HS6ST3: variants seen among roughly 807,000 people sequenced by gnomAD.
The protein encoded by HS6ST3 is heparan-sulfate 6-O-sulfotransferase 3.
A neutral mutation model predicts 36.7 loss-of-function variants in HS6ST3; 12 were observed. The ratio of observed to expected loss-of-function variants is 0.33; its 90% confidence interval spans 0.21 to 0.53. The LOEUF (loss-of-function observed/expected upper bound fraction) is 0.53, where lower values mean the gene tolerates loss of function less well. Ranked by LOEUF, HS6ST3 falls within the 20% of genes least tolerant of loss-of-function variation. The probability of loss-of-function intolerance (pLI) is 0.95; values close to 1 mark genes in which losing one functional copy is unlikely to be tolerated. For synonymous variants in HS6ST3, 240 were observed against 257.5 expected (o/e 0.93, Z 0.65); for missense variants, 584 against 640.9 (o/e 0.91, Z 0.96).
chr13:96,732,555 T>G (rs996970129), intron 1 of HS6ST3, among the ~76,000 whole-genome samples: 1 of 152,182 alleles, frequency 6.6e-6, no homozygotes, highest in Non-Finnish European at 1.5e-5. Flanking sequence ...CCTATAGCTT[T>G]GCAGTATATT....
chr13:96,329,425 T>A (rs1016023519), intron 1 of HS6ST3, among the ~76,000 whole-genome samples: 5 of 141,540 alleles, frequency 3.5e-5, no homozygotes, highest in Non-Finnish European at 7.6e-5. Context: ...ATTTCTGCCT[T>A]CATTTCGTTA....
At chr13:96,486,849 G>A (rs944186619) in intron 1 of HS6ST3, among the ~76,000 whole-genome samples, 3 of 152,130 alleles carry the variant, frequency 2.0e-5, no homozygotes, top group Admixed American at 1.3e-4. Context: ...AACTGAGAAG[G>A]CAGTAAACTA....
chr13:96,445,938 C>T (rs960933425), intron 1 of HS6ST3, among the ~76,000 whole-genome samples: 5 of 151,588 alleles, frequency 3.3e-5, no homozygotes, highest in Non-Finnish European at 7.4e-5. Flanking sequence ...TTTGGGAGGC[C>T]GAGGCGGGCA....
chr13:96,448,891 A>AT (rs1281178382), intron 1 of HS6ST3, among the ~76,000 whole-genome samples: 1 of 152,056 alleles, frequency 6.6e-6, no homozygotes, highest in African/African-American at 2.4e-5. Flanking sequence ...ATGAGCATAT[A>AT]TTTTTGGATG....
At chr13:96,139,646 T>A (rs890282743) in intron 1 of HS6ST3, among the ~76,000 whole-genome samples, 4 of 151,074 alleles carry the variant, frequency 2.6e-5, no homozygotes, top group African/African-American at 9.7e-5. Flanking sequence ...GAAGTGTACA[T>A]CATGAAGAGA....
At chr13:96,322,494 T>G (rs138918923) in intron 1 of HS6ST3, among the ~76,000 whole-genome samples, 1,740 of 151,744 alleles carry the variant, frequency 0.011, 36 homozygotes, top group African/African-American at 0.04. Flanking sequence ...GAGGCGGAGG[T>G]TGCAGTGAGC....
intron 1 of HS6ST3, among the ~76,000 whole-genome samples, chr13:96,459,731 C>G (rs569282811): frequency 3.3e-5 from 5 of 152,270 alleles, no homozygotes; most frequent in African/African-American, 1.2e-4. Flanking sequence ...AGCTACAGCT[C>G]CATCCCAAGA....
chr13:96,567,565 T>G (rs1202694857), intron 1 of HS6ST3, among the ~76,000 whole-genome samples: 1 of 152,120 alleles, frequency 6.6e-6, no homozygotes, highest in Non-Finnish European at 1.5e-5. Flanking sequence ...GAAAAGTTTT[T>G]ACACACACAC....
At chr13:96,313,955 C>A (rs890475834) in intron 1 of HS6ST3, among the ~76,000 whole-genome samples, 1 of 152,170 alleles carries the variant, frequency 6.6e-6, no homozygotes, top group African/African-American at 2.4e-5. Context: ...AATCCCAGCA[C>A]CTTGGGAAAC....
intron 1 of HS6ST3, among the ~76,000 whole-genome samples, chr13:96,417,671 TTTAAC>T (rs2055540878): frequency 1.4e-5 from 2 of 144,816 alleles, no homozygotes; most frequent in South Asian, 4.8e-4. Context: ...TAAATAAACA[TTTAAC>T]TATATATACA....
intron 1 of HS6ST3, among the ~76,000 whole-genome samples, chr13:96,207,547 T>C (rs2054376947): frequency 6.6e-6 from 1 of 152,056 alleles, no homozygotes; most frequent in African/African-American, 2.4e-5. Context: ...ATTGCAGCAC[T>C]ATTCACAATA....
At chr13:96,128,418 G>T (rs1221653160) in intron 1 of HS6ST3, among the ~76,000 whole-genome samples, 1 of 152,166 alleles carries the variant, frequency 6.6e-6, no homozygotes, top group Non-Finnish European at 1.5e-5. Flanking sequence ...TCCAGCATGG[G>T]TTGGCTTTAA....
chr13:96,811,253 G>A (rs1330415378), intron 1 of HS6ST3, among the ~76,000 whole-genome samples: 1 of 152,148 alleles, frequency 6.6e-6, no homozygotes, highest in South Asian at 2.1e-4. Context: ...TTAGGAGCCC[G>A]TGCCACCTCG....
At chr13:96,107,728 C>T (rs928778550) in intron 1 of HS6ST3, among the ~76,000 whole-genome samples, 2 of 152,064 alleles carry the variant, frequency 1.3e-5, no homozygotes, top group African/African-American at 4.8e-5. Flanking sequence ...TATTAGTTCC[C>T]CAAATTAATA....
rs1369318495 is a variant in HS6ST3 at position 96,745,756 on chromosome 13, G to T, written c.708-86734G>T. Among the ~76,000 whole-genome samples the T allele has an allele frequency of 2.0e-5, 3 of 152,044 alleles. No individual in the cohort carries two copies. In the East Asian group the frequency reaches 5.8e-4, roughly 29 times the overall value. On this transcript the variant is annotated intron_variant, in intron 1 of 1. Transcript: ENST00000376705. ...GCTTGACTCACACTGGAGGTGGTTT[G>T]ATATGCACTCCTAGAGCTTTCTGCT...
chr13:96,108,948 C>T (rs989506165), intron 1 of HS6ST3, among the ~76,000 whole-genome samples: 5 of 121,572 alleles, frequency 4.1e-5, no homozygotes, highest in Non-Finnish European at 8.8e-5. Flanking sequence ...CTGTGACAAC[C>T]ACTCCTATCT....
intron 1 of HS6ST3, among the ~76,000 whole-genome samples, chr13:96,822,974 A>T (rs867152346): frequency 6.6e-6 from 1 of 152,210 alleles, no homozygotes; most frequent in African/African-American, 2.4e-5. Flanking sequence ...TTGTTTCCCT[A>T]ACATCATGTC....
intron 1 of HS6ST3, among the ~76,000 whole-genome samples, chr13:96,528,051 A>T (rs1405690801): frequency 1.3e-5 from 2 of 152,210 alleles, no homozygotes; most frequent in African/African-American, 4.8e-5. Context: ...ACCTTGGTAA[A>T]GCAGTGAAAT....
intron 1 of HS6ST3, among the ~76,000 whole-genome samples, chr13:96,406,746 A>T (rs951999463): frequency 1.3e-5 from 2 of 152,174 alleles, no homozygotes; most frequent in African/African-American, 4.8e-5. Context: ...GAGAATGCAG[A>T]TCTTTAAGTT....
Sources: allele counts gnomAD v4.1 joint callset (sites outside exome capture counted in the v4.1 genomes callset), GRCh38; gene constraint gnomAD v4.1.1; transcripts MANE v1.5; gene names NCBI Gene and HGNC (gene_info 2026-07-23, HGNC 2026-07-21).